CHPT1: variants seen among roughly 807,000 people sequenced by gnomAD.
CHPT1 encodes the protein cholinephosphotransferase 1.
In CHPT1, 36 loss-of-function variants were observed where a neutral mutation model predicts 47.6. The observed-to-expected ratio is 0.76, with a 90% CI of 0.58 to 1.00. The LOEUF is 1.00. Ranked by LOEUF, CHPT1 falls within the 50% of genes least tolerant of loss-of-function variation. The pLI is 0.00. For missense variants in CHPT1, 458 were observed against 498.1 expected (o/e 0.92, Z 0.77); for synonymous variants, 194 against 186.3 (o/e 1.04, Z -0.33).
chr12:101,712,176 C>T (rs998842890), intron 1 of CHPT1, among the ~76,000 whole-genome samples: 2 of 147,972 alleles, frequency 1.4e-5, no homozygotes, highest in African/African-American at 2.4e-5. Context: ...TGTACACCGC[C>T]GCACCAGGCT....
chr12:101,728,542 T>C (rs1952034406), intron 8 of CHPT1: 1 of 191,798 alleles, frequency 5.2e-6, no homozygotes, highest in Non-Finnish European at 1.1e-5. Flanking sequence ...GAAAAGGATG[T>C]ACATGTAAAA....
rs113376822 is a variant in CHPT1, at chr12:101,711,581, C to T, written c.274-2509C>T. Reference sequence around the variant, plus strand: ...GGTCAAAGGATACATTACAGCTTTGCAAGATGAGCAGGTCTAGAGATCTTA... The same window carrying T: ...GGTCAAAGGATACATTACAGCTTTGTAAGATGAGCAGGTCTAGAGATCTTA... On this transcript the variant is annotated intron_variant, in intron 1 of 8. Transcript: ENST00000229266. Among the ~76,000 whole-genome samples the T allele has an allele frequency of 5.6e-3, 833 of 147,984 alleles. 27 individuals carry two copies. The highest frequency in any genetic ancestry group is 0.019 in the African/African-American group (794 of 41,076).
At chr12:101,704,552 C>T (rs1454131349) in intron 1 of CHPT1, among the ~76,000 whole-genome samples, 3 of 151,084 alleles carry the variant, frequency 2.0e-5, no homozygotes, top group Non-Finnish European at 4.4e-5. Flanking sequence ...CAGGTGTGCA[C>T]CACCATGCCT....
intron 1 of CHPT1, among the ~76,000 whole-genome samples, chr12:101,701,002 A>T (rs542602335): frequency 6.6e-6 from 1 of 152,232 alleles, no homozygotes; most frequent in African/African-American, 2.4e-5. Context: ...TTATCTACTC[A>T]TATAGGCTTT....
At chr12:101,717,200 A>G (rs973450479) in intron 4 of CHPT1, 1 of 442,904 alleles carries the variant, frequency 2.3e-6, no homozygotes, top group Non-Finnish European at 4.5e-6. Context: ...CAATATTAGG[A>G]AAGTAGTTAA....
intron 4 of CHPT1, among the ~76,000 whole-genome samples, chr12:101,718,295 A>G (rs761607315): frequency 6.6e-6 from 1 of 152,150 alleles, no homozygotes. Context: ...TGACGTGTCA[A>G]TGTAGGTTCA....
In CHPT1 at chr12:101,719,775, T is replaced by C. The variant is rs538568073; in HGVS notation, c.649-348T>C. 9.1e-5 allele frequency: 22 copies of C among 241,250 alleles called. No homozygotes were observed. The South Asian group carries it at 1.1e-3, about 12-fold the overall frequency. The allele number at this position is 241,250 out of a possible 1,614,324, so 14.9% of individuals were successfully genotyped here. The stretch of plus-strand genomic sequence containing the variant: ...GTTTGGTGGATTCATCTTTCACTTA[T>C]GAAGAAAGCAGTTTCAAAAAAAAGT... On this transcript the variant is annotated intron_variant, in intron 4 of 8. Coordinates refer to ENST00000229266, the MANE Select transcript of CHPT1 (RefSeq NM_020244.3).
intron 4 of CHPT1, among the ~76,000 whole-genome samples, chr12:101,719,031 C>G (rs1013143634): frequency 3.0e-4 from 46 of 151,718 alleles, no homozygotes; most frequent in African/African-American, 1.0e-3. Flanking sequence ...GTGATGGGCA[C>G]CTGTAATCCC....
chr12:101,726,446 G>A (rs1351874588), intron 8 of CHPT1, 42 bp downstream of exon 8: 4 of 1,605,372 alleles, frequency 2.5e-6, no homozygotes, highest in African/African-American at 2.7e-5. Context: ...AAGGAAAAGA[G>A]GAGATGAAGT....
intron 3 of CHPT1, 61 bp from the exon 4 acceptor site, chr12:101,716,667 C>T (rs1288341914): frequency 7.9e-6 from 8 of 1,013,862 alleles, no homozygotes; most frequent in South Asian, 4.4e-5. Context: ...ATGTGATGAA[C>T]CTCCATATTC....
At chr12:101,718,364 C>CTATATATATATATATATAGCTA (rs893292456) in intron 4 of CHPT1, among the ~76,000 whole-genome samples, 2 of 151,986 alleles carry the variant, frequency 1.3e-5, no homozygotes, top group Non-Finnish European at 2.9e-5. Context: ...GGAGGGGTGG[C>CTATATATATATATATATAGCTA]TATATACTTT....
At chr12:101,726,678 A>G (rs996619357) in intron 8 of CHPT1, 4 of 423,236 alleles carry the variant, frequency 9.5e-6, no homozygotes, top group African/African-American at 6.0e-5. Flanking sequence ...TGAGGACAAC[A>G]GTGAACCCCT....
In CHPT1 at chr12:101,716,766, T is replaced by G. The variant is rs959247964; in HGVS notation, c.602T>G (p.Val201Gly). Residue 201 changes from valine to glycine, a missense_variant, in exon 4 of 9, where the codon GTC (valine) becomes GGC (glycine). Val to Gly is a moderately radical substitution (Grantham distance 109). Coordinates refer to ENST00000229266, the MANE Select transcript of CHPT1 (RefSeq NM_020244.3). ...GAAATTCAGATAGCTTTAGTGATTG[T>G]CTTTGTGTTGTCTGCATTTGGAGGA... ...VTEIQIALVI[V>G]FVLSAFGGAT... is the part of the protein sequence containing the mutation. The G allele has an allele frequency of 1.2e-5, 20 of 1,609,044 alleles. No individual in the cohort carries two copies. Among genetic ancestry groups the G allele is most frequent in the Non-Finnish European group, 1.6e-5 (19 of 1,177,772 alleles).
intron 4 of CHPT1, among the ~76,000 whole-genome samples, chr12:101,717,046 G>A (rs1308378226): frequency 1.3e-5 from 2 of 151,192 alleles, no homozygotes; most frequent in Non-Finnish European, 2.9e-5. Context: ...CCACATAGAA[G>A]AAGACAACCT....
intron 5 of CHPT1, among the ~76,000 whole-genome samples, chr12:101,722,366 C>G (rs1951863445): frequency 6.6e-6 from 1 of 151,898 alleles, no homozygotes; most frequent in Non-Finnish European, 1.5e-5. Context: ...CTTGTGAACC[C>G]ATTTAAATTG....
rs1256349892 is a variant in CHPT1, at chr12:101,726,277, C to CT, written c.1066-11dup. On this transcript the variant is annotated splice_polypyrimidine_tract_variant and intron_variant, in intron 7 of 8. Coordinates refer to ENST00000229266, the MANE Select transcript of CHPT1 (RefSeq NM_020244.3). The stretch of plus-strand genomic sequence containing the variant: ...TAGATCATAATCGATTTTATATTTT[C>CT]TTTTTTGCTTCTAAAGGTGATTTCT... 17 of 1,537,294 alleles carry CT rather than the reference C, an allele frequency of 1.1e-5. No homozygotes were observed. The highest frequency in any genetic ancestry group is 1.4e-5 in the Non-Finnish European group (16 of 1,114,326).
chr12:101,708,818 A>G (rs112405650), intron 1 of CHPT1, among the ~76,000 whole-genome samples: 2,348 of 148,466 alleles, frequency 0.016, 150 homozygotes, highest in African/African-American at 0.052. Context: ...GCTTGTCTCA[A>G]ACTACTGACC....
chr12:101,719,349 C>A, intron 4 of CHPT1: 1 of 365,702 alleles, frequency 2.7e-6, no homozygotes, highest in Non-Finnish European at 5.3e-6. Context: ...ACTTTTGATT[C>A]AGGTTTTCTA....
intron 5 of CHPT1, among the ~76,000 whole-genome samples, chr12:101,722,721 A>G (rs75794903): frequency 2.6e-5 from 4 of 151,408 alleles, no homozygotes; most frequent in African/African-American, 9.7e-5. Flanking sequence ...AAAAAAAAAA[A>G]AAAAAGAAAA....
Sources: gnomAD v4.1 joint callset for allele counts (sites outside exome capture counted in the v4.1 genomes callset) on GRCh38, gnomAD v4.1.1 for gene constraint, MANE v1.5 for transcripts, NCBI Gene and HGNC (gene_info 2026-07-23, HGNC 2026-07-21) for gene names.